Variants in SHISAL1 observed in about 807,000 individuals in gnomAD.
SHISAL1 encodes the protein shisa like 1.
Under a neutral mutation model 22.6 loss-of-function variants are expected in SHISAL1, and 9 were observed. That is an observed-to-expected ratio of 0.40 (90% confidence interval 0.24 to 0.70). SHISAL1 has a LOEUF of 0.70. Ranked by LOEUF, SHISAL1 falls within the 30% of genes least tolerant of loss-of-function variation. The pLI, the probability that SHISAL1 is intolerant of heterozygous loss-of-function variation, is 0.39. For missense variants in SHISAL1, 246 were observed against 270.6 expected (o/e 0.91, Z 0.64); for synonymous variants, 119 against 115.4 (o/e 1.03, Z -0.20).
At chr22:44,317,850 C>T (rs531446876), upstream of SHISAL1, among the ~76,000 whole-genome samples, 5 of 152,224 alleles carry the variant, frequency 3.3e-5, no homozygotes, top group East Asian at 9.6e-4. Flanking sequence ...CTTAGTCGTC[C>T]CCAAACTAGA....
chr22:44,268,338 A>G (rs1232379938), intron 4 of SHISAL1, among the ~76,000 whole-genome samples: 1 of 152,030 alleles, frequency 6.6e-6, no homozygotes. Flanking sequence ...CCTGCTATGA[A>G]TTTTTCAAAG....
the SHISAL1 span, among the ~76,000 whole-genome samples, chr22:44,325,079 C>A: frequency 6.6e-6 from 1 of 152,062 alleles, no homozygotes; most frequent in Non-Finnish European, 1.5e-5. Flanking sequence ...CCTGTCTCTA[C>A]TAAAACTACA....
chr22:44,325,161 T>C, the SHISAL1 span, among the ~76,000 whole-genome samples: 3 of 151,662 alleles, frequency 2.0e-5, no homozygotes, highest in Admixed American at 6.6e-5. Context: ...GAGAATCGCT[T>C]GAACCCAGGA....
At chr22:44,300,718 G>A (rs1032402111) in intron 2 of SHISAL1, among the ~76,000 whole-genome samples, 161 bp downstream of exon 2, 1 of 152,254 alleles carries the variant, frequency 6.6e-6, no homozygotes, top group Admixed American at 6.5e-5. Context: ...CAACCACACA[G>A]CAACCAACAT....
intron 1 of SHISAL1, among the ~76,000 whole-genome samples, chr22:44,304,758 G>A (rs2055458559): frequency 6.6e-6 from 1 of 152,116 alleles, no homozygotes; most frequent in African/African-American, 2.4e-5. Context: ...GAGAGTGACG[G>A]GACCCCTGAG....
In SHISAL1 at chr22:44,249,658, C is replaced by T; in HGVS notation, c.*27G>A. ...CCGGGTGCTTCAGATCTCATCTCCCCCATCCTGAGGCACAGCAAAAGCGTT... is the reference window on the plus strand; with the variant it reads ...CCGGGTGCTTCAGATCTCATCTCCCTCATCCTGAGGCACAGCAAAAGCGTT... On this transcript the variant is annotated 3_prime_UTR_variant, in exon 5 of 5. Coordinates refer to ENST00000381176, the MANE Select transcript of SHISAL1 (RefSeq NM_001099294.2). The T allele has an allele frequency of 1.3e-6, 1 of 780,006 alleles. No homozygotes were observed. The highest frequency in any genetic ancestry group is 2.4e-6 in the Non-Finnish European group (1 of 418,064). The allele number at this position is 780,006 out of a possible 1,614,324, so 48.3% of individuals were successfully genotyped here.
intron 3 of SHISAL1, among the ~76,000 whole-genome samples, chr22:44,293,134 T>C (rs1230693641): frequency 1.3e-5 from 2 of 152,168 alleles, no homozygotes; most frequent in African/African-American, 4.8e-5. Context: ...TCCTCTGGGC[T>C]GTGGGGCTCC....
chr22:44,251,976 A>G (rs1008225838), intron 4 of SHISAL1, among the ~76,000 whole-genome samples: 1 of 152,380 alleles, frequency 6.6e-6, no homozygotes, highest in East Asian at 1.9e-4. Context: ...GGATGAGCAG[A>G]AGCATAACAA....
At chr22:44,252,480 TAAAAC>T (rs761480638) in intron 4 of SHISAL1, among the ~76,000 whole-genome samples, 9 of 150,296 alleles carry the variant, frequency 6.0e-5, no homozygotes, top group Non-Finnish European at 1.0e-4. Flanking sequence ...ACACAGAAAA[TAAAAC>T]AAAGACAACA....
chr22:44,275,252 G>T (rs1241336879), intron 4 of SHISAL1, among the ~76,000 whole-genome samples: 1 of 152,236 alleles, frequency 6.6e-6, no homozygotes, highest in Non-Finnish European at 1.5e-5. Context: ...GGCTGGGAAA[G>T]ACCTTCACAA....
At chr22:44,318,231 G>A in the SHISAL1 span, among the ~76,000 whole-genome samples, 1 of 152,262 alleles carries the variant, frequency 6.6e-6, no homozygotes. Flanking sequence ...CCCTTATAAC[G>A]GGGAGAAAAC....
intron 2 of SHISAL1, among the ~76,000 whole-genome samples, chr22:44,300,090 GACAGAC>G (rs924342321): frequency 6.6e-6 from 1 of 151,418 alleles, no homozygotes; most frequent in Non-Finnish European, 1.5e-5. Context: ...GACAGACAGA[GACAGAC>G]ACAGAGAGAC....
At chr22:44,289,191 A>G (rs753399465) in intron 3 of SHISAL1, among the ~76,000 whole-genome samples, 29 of 152,320 alleles carry the variant, frequency 1.9e-4, no homozygotes, top group Non-Finnish European at 3.5e-4. Flanking sequence ...CATGTCACAC[A>G]TGAGGAAATG....
At chr22:44,283,707 G>C (rs1057412036) in intron 4 of SHISAL1, among the ~76,000 whole-genome samples, 18 of 152,136 alleles carry the variant, frequency 1.2e-4, no homozygotes, top group African/African-American at 3.6e-4. Context: ...GTGCGGGAGT[G>C]GGGGAGGACC....
chr22:44,253,854 G>GTGTGTGTA (rs1342965171), intron 4 of SHISAL1, among the ~76,000 whole-genome samples: 1 of 151,834 alleles, frequency 6.6e-6, no homozygotes, highest in Admixed American at 6.6e-5. Context: ...GTGTGTGTGT[G>GTGTGTGTA]TAAAACACAG....
At chr22:44,266,384 T>C (rs1038963356) in intron 4 of SHISAL1, among the ~76,000 whole-genome samples, 9 of 142,776 alleles carry the variant, frequency 6.3e-5, no homozygotes, top group Non-Finnish European at 1.1e-4. Context: ...GGGGTGTGTT[T>C]GTGTGTGTTT....
chr22:44,275,831 C>T (rs1479595622), intron 4 of SHISAL1, among the ~76,000 whole-genome samples: 1 of 152,226 alleles, frequency 6.6e-6, no homozygotes, highest in African/African-American at 2.4e-5. Flanking sequence ...CTTAGCTCAG[C>T]AAGTCCTCAA....
upstream of SHISAL1, among the ~76,000 whole-genome samples, chr22:44,315,009 A>C (rs1001227702): frequency 1.3e-5 from 2 of 152,190 alleles, no homozygotes; most frequent in Non-Finnish European, 2.9e-5. Flanking sequence ...GCATCTGGCT[A>C]TAGCAAGGCA....
the SHISAL1 span, among the ~76,000 whole-genome samples, chr22:44,326,534 T>A: frequency 6.6e-6 from 1 of 152,170 alleles, no homozygotes; most frequent in Non-Finnish European, 1.5e-5. Context: ...TTTTTTTCCC[T>A]CCCAGGGCTC....
Sources: gnomAD v4.1 joint callset for allele counts (sites outside exome capture counted in the v4.1 genomes callset) on GRCh38, gnomAD v4.1.1 for gene constraint, MANE v1.5 for transcripts, NCBI Gene and HGNC (gene_info 2026-07-23, HGNC 2026-07-21) for gene names.